The following TPRG1 variants were observed in gnomAD, a reference collection of about 807,000 sequenced individuals.
TPRG1 encodes the protein tumor protein p63-regulated gene 1 protein.
Under a neutral mutation model 29.3 loss-of-function variants are expected in TPRG1, and 29 were observed. The observed-to-expected ratio is 0.99, with a 90% CI of 0.74 to 1.35. TPRG1 has a LOEUF of 1.35. Ranked by LOEUF, TPRG1 falls within the 40% of genes most tolerant of loss-of-function variation. The probability of loss-of-function intolerance (pLI) is 0.00; values close to 1 mark genes in which losing one functional copy is unlikely to be tolerated. For synonymous variants in TPRG1, 130 were observed against 116.8 expected (o/e 1.11, Z -0.73); for missense variants, 327 against 335.0 (o/e 0.98, Z 0.19).
chr3:189,050,555 A>G (rs1299268609), intron 4 of TPRG1, among the ~76,000 whole-genome samples: 2 of 152,218 alleles, frequency 1.3e-5, no homozygotes, highest in African/African-American at 4.8e-5. Flanking sequence ...AGATAGAGAA[A>G]GAAGGAACCC....
intron 4 of TPRG1, among the ~76,000 whole-genome samples, chr3:189,068,933 T>A (rs1477756524): frequency 6.6e-6 from 1 of 152,190 alleles, no homozygotes; most frequent in Non-Finnish European, 1.5e-5. Context: ...TCCACTCATT[T>A]GTGGAAGCTA....
At chr3:189,024,648 A>G (rs182130139) in intron 4 of TPRG1, among the ~76,000 whole-genome samples, 1 of 152,284 alleles carries the variant, frequency 6.6e-6, no homozygotes, top group East Asian at 1.9e-4. Flanking sequence ...CCAAACAACA[A>G]TGATGGTGGC....
chr3:189,108,127 T>C (rs1720043723), intron 1 of TPRG1, among the ~76,000 whole-genome samples: 1 of 152,140 alleles, frequency 6.6e-6, no homozygotes, highest in Non-Finnish European at 1.5e-5. Flanking sequence ...TTATGTATGG[T>C]TCCTTTAACT....
intron 3 of TPRG1, among the ~76,000 whole-genome samples, chr3:189,133,034 T>C (rs1222949742): frequency 6.6e-6 from 1 of 152,202 alleles, no homozygotes; most frequent in East Asian, 1.9e-4. Context: ...GATACCATGA[T>C]GGTGCAAGGA....
intron 4 of TPRG1, among the ~76,000 whole-genome samples, chr3:189,075,406 A>T (rs1717102457): frequency 6.6e-6 from 1 of 152,074 alleles, no homozygotes; most frequent in Non-Finnish European, 1.5e-5. Context: ...AAGTGCTAGG[A>T]TTTACAGGAG....
At chr3:189,016,271 C>T (rs1049131055) in intron 3 of TPRG1, among the ~76,000 whole-genome samples, 1 of 152,088 alleles carries the variant, frequency 6.6e-6, no homozygotes, top group African/African-American at 2.4e-5. Flanking sequence ...CCTGTAGCAC[C>T]TTTATTTTGG....
At chr3:189,017,582 G>GT (rs1195475957) in intron 3 of TPRG1, among the ~76,000 whole-genome samples, 1 of 152,152 alleles carries the variant, frequency 6.6e-6, no homozygotes, top group African/African-American at 2.4e-5. Context: ...TGGCTGCATA[G>GT]TATTCCATGG....
intron 4 of TPRG1, among the ~76,000 whole-genome samples, chr3:189,065,790 G>A (rs541286691): frequency 1.3e-5 from 2 of 152,076 alleles, no homozygotes; most frequent in South Asian, 4.2e-4. Flanking sequence ...ATTCAATAGA[G>A]TACTGGCGCT....
At chr3:189,238,622 C>T in intron 3 of TPRG1, 111 bp from the exon 4 acceptor site, 1 of 895,982 alleles carries the variant, frequency 1.1e-6, no homozygotes, top group Non-Finnish European at 1.7e-6. Context: ...GCCCCTCTCT[C>T]TTCTGAGTTG....
At chr3:189,241,540 C>T (rs981099596) in intron 4 of TPRG1, among the ~76,000 whole-genome samples, 3 of 151,744 alleles carry the variant, frequency 2.0e-5, no homozygotes, top group Non-Finnish European at 2.9e-5. Context: ...AAATTTTTCC[C>T]AGTTTGTCAT....
chr3:189,234,539 T>C (rs558651322), intron 3 of TPRG1, among the ~76,000 whole-genome samples: 1 of 152,338 alleles, frequency 6.6e-6, no homozygotes, highest in East Asian at 1.9e-4. Flanking sequence ...GCAATGTTAC[T>C]GATTGTTTAT....
chr3:189,057,846 GTA>G lies in TPRG1; in HGVS notation c.-463+33909_-463+33910del, dbSNP rs1274903224. Among the ~76,000 whole-genome samples, 9 of 108,306 alleles carry G rather than the reference GTA, an allele frequency of 8.3e-5. No homozygotes were observed. In the South Asian group the frequency reaches 1.8e-3, roughly 22 times the overall value. 71.1% of individuals were successfully genotyped at this position (108,306 alleles called of 152,430 possible). On this transcript the variant is annotated intron_variant, in intron 4 of 10. Transcript: ENST00000433971. ...TATATATACACACATATGTATGTGT[GTA>G]TATATATACACACATACGTATGTGT...
At chr3:189,051,185 C>G (rs1715297370) in intron 4 of TPRG1, among the ~76,000 whole-genome samples, 1 of 152,026 alleles carries the variant, frequency 6.6e-6, no homozygotes, top group Admixed American at 6.6e-5. Flanking sequence ...CCTTGAAAAC[C>G]CTAAGGACTT....
intron 4 of TPRG1, among the ~76,000 whole-genome samples, chr3:189,062,465 T>A (rs1467385721): frequency 6.6e-6 from 1 of 152,078 alleles, no homozygotes; most frequent in Non-Finnish European, 1.5e-5. Context: ...AAAATGATAA[T>A]TTTTTTGGAC....
intron 3 of TPRG1, among the ~76,000 whole-genome samples, chr3:189,009,564 C>T (rs1055352999): frequency 2.6e-5 from 4 of 152,106 alleles, no homozygotes; most frequent in Non-Finnish European, 5.9e-5. Context: ...TATACATATA[C>T]AGCACCTGCA....
In TPRG1 at chr3:189,063,289, G is replaced by A. The variant is rs377221450; in HGVS notation, c.-463+39343G>A. Among the ~76,000 whole-genome samples, 19 of 152,078 alleles carry A rather than the reference G, an allele frequency of 1.2e-4. No homozygotes were observed. In the South Asian group the frequency reaches 3.9e-3, roughly 31 times the overall value. On this transcript the variant is annotated intron_variant, in intron 4 of 10. Transcript: ENST00000433971. ...ACTGATAGATTTGCAAGGAGAAATA[G>A]GTAAATCTACAGTTATAATTCAGTA...
chr3:189,142,142 C>A (rs541579271), intron 3 of TPRG1, among the ~76,000 whole-genome samples: 1 of 152,242 alleles, frequency 6.6e-6, no homozygotes, highest in African/African-American at 2.4e-5. Context: ...CAGGTCATTT[C>A]GGGCAGGACG....
At chr3:189,153,992 G>T (rs184503066) in intron 5 of TPRG1, among the ~76,000 whole-genome samples, 13 of 152,274 alleles carry the variant, frequency 8.5e-5, no homozygotes, top group African/African-American at 2.9e-4. Flanking sequence ...TTCTAAGTGA[G>T]TTCCCATCAT....
intron 4 of TPRG1, among the ~76,000 whole-genome samples, chr3:189,064,697 T>C (rs1716323166): frequency 6.6e-6 from 1 of 152,122 alleles, no homozygotes; most frequent in Admixed American, 6.6e-5. Flanking sequence ...GAGGATATTA[T>C]GATAGATGCT....
Sources: allele counts gnomAD v4.1 joint callset (sites outside exome capture counted in the v4.1 genomes callset), GRCh38; gene constraint gnomAD v4.1.1; transcripts MANE v1.5; gene names NCBI Gene and HGNC (gene_info 2026-07-23, HGNC 2026-07-21).